Variants in CDH4 observed in about 807,000 individuals in gnomAD.
CDH4 encodes the protein cadherin-4.
Under a neutral mutation model 86.0 loss-of-function variants are expected in CDH4, and 33 were observed. That is an observed-to-expected ratio of 0.38 (90% confidence interval 0.29 to 0.51). The LOEUF (loss-of-function observed/expected upper bound fraction) is 0.51. Ranked by LOEUF, CDH4 falls within the 20% of genes least tolerant of loss-of-function variation. The pLI is 0.86. For synonymous variants in CDH4, 555 were observed against 549.4 expected, an observed-to-expected ratio of 1.01 and a Z score of -0.14; for missense variants, 1,114 against 1,307.4, an observed-to-expected ratio of 0.85 and a Z score of 2.28.
In CDH4 at chr20:61,623,618, C is replaced by T. The variant is rs527806744; in HGVS notation, c.170-119945C>T. On this transcript the variant is annotated intron_variant, in intron 2 of 15. Transcript: ENST00000614565. This position sits in a 1 kb window ranked among gnomAD's most constrained non-coding sequence, Gnocchi z 4.4. Reference sequence around the variant, plus strand: ...GTCTTTCCTCTACATGAGCATCATTCGTGCAAAGTGCATCACAGCTGATTC... The same window carrying T: ...GTCTTTCCTCTACATGAGCATCATTTGTGCAAAGTGCATCACAGCTGATTC... Among the ~76,000 whole-genome samples, 7 of 152,316 alleles carry T rather than the reference C, an allele frequency of 4.6e-5. No homozygotes were observed. The highest frequency in any genetic ancestry group is 9.6e-5 in the African/African-American group (4 of 41,570).
chr20:61,549,036 C>T (rs974442582), intron 2 of CDH4, among the ~76,000 whole-genome samples: 2 of 151,868 alleles, frequency 1.3e-5, no homozygotes, highest in South Asian at 2.1e-4. Context: ...TGGGGCTCCA[C>T]GGGGGCAGGC....
chr20:61,651,674 C>T (rs1024323048), intron 2 of CDH4, among the ~76,000 whole-genome samples: 1 of 152,202 alleles, frequency 6.6e-6, no homozygotes, highest in Admixed American at 6.5e-5. Flanking sequence ...CTGCAGGGGA[C>T]TTGCACCAAC....
At chr20:61,384,297 C>T (rs970135315) in intron 2 of CDH4, among the ~76,000 whole-genome samples, 6 of 152,156 alleles carry the variant, frequency 3.9e-5, no homozygotes, top group African/African-American at 1.4e-4. Context: ...TTGGGAATCA[C>T]ACCAGGAGGA....
intron 3 of CDH4, among the ~76,000 whole-genome samples, chr20:61,770,872 G>T (rs1336851000): frequency 2.0e-4 from 26 of 129,486 alleles, no homozygotes; most frequent in African/African-American, 6.5e-4. Flanking sequence ...GACAGAGCGA[G>T]ACTCCGTCTC....
chr20:61,558,201 TCTAAGATTA>T (rs1157067600), intron 2 of CDH4, among the ~76,000 whole-genome samples: 2 of 152,144 alleles, frequency 1.3e-5, no homozygotes, highest in East Asian at 3.9e-4. Flanking sequence ...TGGTTTTTGG[TCTAAGATTA>T]CACTGTTCTT....
At chr20:61,717,540 T>A (rs1366705133) in intron 2 of CDH4, 1 of 152,236 alleles carries the variant, frequency 6.6e-6, no homozygotes, top group African/African-American at 2.4e-5. Context: ...GAAGCTGGAG[T>A]GCAGTGGTGC....
At chr20:61,842,452 G>A (rs890041781) in intron 4 of CDH4, among the ~76,000 whole-genome samples, 7 of 152,198 alleles carry the variant, frequency 4.6e-5, no homozygotes, top group East Asian at 1.9e-4. Context: ...ATTCCAGAGC[G>A]AGCTGACCTG....
At chr20:61,730,502 T>G (rs975460192) in intron 2 of CDH4, among the ~76,000 whole-genome samples, 3 of 152,214 alleles carry the variant, frequency 2.0e-5, no homozygotes, top group African/African-American at 4.8e-5. Flanking sequence ...TATCCATTTT[T>G]GAAGCTAAGG....
Position 61,383,388 on chromosome 20 carries a change from A to AATATATATGGATATATATGAAT in CDH4, c.169+128457_169+128458insATGGATATATATGAATATATAT, listed in dbSNP as rs1283950409. Among the ~76,000 whole-genome samples, 3 of 66,226 alleles carry AATATATATGGATATATATGAAT rather than the reference A, an allele frequency of 4.5e-5. 1 individual carries two copies. The highest frequency in any genetic ancestry group is 2.3e-4 in the African/African-American group (3 of 12,846). 43.4% of individuals were successfully genotyped at this position (66,226 alleles called of 152,430 possible). ...ATATGAATATATATGGATATATATG[A>AATATATATGGATATATATGAAT]ATATATGATATATATGAATATATAT... On this transcript the variant is annotated intron_variant, in intron 2 of 15. Transcript: ENST00000614565.
intron 2 of CDH4, among the ~76,000 whole-genome samples, chr20:61,668,149 G>A (rs1428616619): frequency 6.6e-6 from 1 of 152,234 alleles, no homozygotes; most frequent in Non-Finnish European, 1.5e-5. Context: ...TCCTCCAGAG[G>A]TCAGGTTGGG....
chr20:61,664,664 T>C (rs1477378235), intron 2 of CDH4, among the ~76,000 whole-genome samples: 6 of 152,220 alleles, frequency 3.9e-5, no homozygotes, highest in Non-Finnish European at 5.9e-5. Flanking sequence ...AGATAGAGCC[T>C]GGGCAGCCCA....
chr20:61,936,688 G>A (rs757800772), intron 15 of CDH4, 49 bp from the exon 16 acceptor site: 2 of 1,417,366 alleles, frequency 1.4e-6, no homozygotes, highest in Non-Finnish European at 1.9e-6. Context: ...CTGATCCCGG[G>A]GCTGAGACAA....
chr20:61,452,146 G>A (rs2085384383), intron 2 of CDH4, among the ~76,000 whole-genome samples: 1 of 152,168 alleles, frequency 6.6e-6, no homozygotes, highest in African/African-American at 2.4e-5. Context: ...GTGGAGGCTT[G>A]TGCTCAGGTT....
At chr20:61,601,215 C>G (rs1200062683) in intron 2 of CDH4, among the ~76,000 whole-genome samples, 1 of 152,136 alleles carries the variant, frequency 6.6e-6, no homozygotes, top group Non-Finnish European at 1.5e-5. Context: ...GATAGGGGAG[C>G]ACAGAGGGGG....
chr20:61,797,299 A>G (rs1979583277), intron 4 of CDH4, among the ~76,000 whole-genome samples: 1 of 152,252 alleles, frequency 6.6e-6, no homozygotes, highest in Admixed American at 6.5e-5. Flanking sequence ...TCCATTCCCC[A>G]GGGTGGGGAA....
chr20:61,284,508 G>A (rs1600833975), intron 2 of CDH4, among the ~76,000 whole-genome samples: 2 of 152,154 alleles, frequency 1.3e-5, no homozygotes, highest in African/African-American at 2.4e-5. Context: ...ATCAGTCTCC[G>A]GGGCTGTTTG....
At chr20:61,453,252 G>T (rs1321530453) in intron 2 of CDH4, among the ~76,000 whole-genome samples, 4 of 152,154 alleles carry the variant, frequency 2.6e-5, no homozygotes, top group Non-Finnish European at 5.9e-5. Context: ...TCATTTTTCT[G>T]TCATGGGAGC....
At chr20:61,841,354 C>T (rs1432791450) in intron 4 of CDH4, among the ~76,000 whole-genome samples, 1 of 152,226 alleles carries the variant, frequency 6.6e-6, no homozygotes, top group Non-Finnish European at 1.5e-5. Flanking sequence ...TCTCCCACCC[C>T]CGAGGAACAA....
At position 61,684,133 on chromosome 20, in the gene CDH4, G is replaced by GAC. The variant is rs201435731; in HGVS notation, c.170-59428_170-59427dup. Among the ~76,000 whole-genome samples the GAC allele has an allele frequency of 4.8e-3, 732 of 152,316 alleles. 6 individuals are homozygous for GAC. The highest frequency in any genetic ancestry group is 0.02 in the Middle Eastern group (6 of 294). Reference sequence around the variant, plus strand: ...TGTAGCAGGGATTGCAGTGGCATCGGACAAAGCCTCTGCCCTCTGGATGCC... The same window carrying GAC: ...TGTAGCAGGGATTGCAGTGGCATCGGACACAAAGCCTCTGCCCTCTGGATGCC... On this transcript the variant is annotated intron_variant, in intron 2 of 15. Transcript: ENST00000614565. This position sits in a 1 kb window ranked among gnomAD's most constrained non-coding sequence, Gnocchi z 4.5.
Sources: gnomAD v4.1 joint callset for allele counts (sites outside exome capture counted in the v4.1 genomes callset) on GRCh38, gnomAD v4.1.1 for gene constraint, Gnocchi (gnomAD v3.1) non-coding constraint, MANE v1.5 for transcripts, NCBI Gene and HGNC (gene_info 2026-07-23, HGNC 2026-07-21) for gene names.